Variants in CNTNAP2 observed in about 807,000 individuals in gnomAD.
CNTNAP2 encodes the protein contactin associated protein 2.
In CNTNAP2, 98 loss-of-function variants were observed where a neutral mutation model predicts 155.2. That is an observed-to-expected ratio of 0.63 (90% confidence interval 0.54 to 0.75). The LOEUF (loss-of-function observed/expected upper bound fraction) is 0.75. Ranked by LOEUF, CNTNAP2 falls within the 30% of genes least tolerant of loss-of-function variation. The pLI is 0.00. For missense variants in CNTNAP2, 1,727 were observed against 1,688.1 expected (o/e 1.02, Z -0.40); for synonymous variants, 651 against 631.2 (o/e 1.03, Z -0.47).
chr7:146,196,991 C>T (rs1798786353), intron 1 of CNTNAP2, among the ~76,000 whole-genome samples: 2 of 151,912 alleles, frequency 1.3e-5, no homozygotes, highest in Non-Finnish European at 2.9e-5. Flanking sequence ...ATTTTTTTCC[C>T]CAGTGAATTT....
intron 12 of CNTNAP2, among the ~76,000 whole-genome samples, chr7:147,631,256 C>T (rs1795080501): frequency 6.6e-6 from 1 of 152,046 alleles, no homozygotes; most frequent in Non-Finnish European, 1.5e-5. Flanking sequence ...TAATAAAATA[C>T]TTAGGACTAT....
intron 1 of CNTNAP2, among the ~76,000 whole-genome samples, chr7:146,129,892 T>C (rs1467541416): frequency 6.6e-6 from 1 of 152,160 alleles, no homozygotes; most frequent in Non-Finnish European, 1.5e-5. Context: ...AGGTCATCAG[T>C]GAGTGATTAA....
intron 19 of CNTNAP2, among the ~76,000 whole-genome samples, chr7:148,218,929 G>C (rs1795693947): frequency 2.9e-5 from 4 of 139,784 alleles, no homozygotes; most frequent in Admixed American, 1.4e-4. Context: ...AGAATTCTAA[G>C]ATCACTCTTT....
chr7:147,028,715 C>T (rs1413427592), intron 3 of CNTNAP2, among the ~76,000 whole-genome samples: 1 of 152,080 alleles, frequency 6.6e-6, no homozygotes, highest in African/African-American at 2.4e-5. Context: ...AGCTACCAGG[C>T]TCTCAGGAGG....
At chr7:146,623,919 T>C (rs1186872340) in intron 1 of CNTNAP2, among the ~76,000 whole-genome samples, 1 of 152,186 alleles carries the variant, frequency 6.6e-6, no homozygotes, top group Non-Finnish European at 1.5e-5. Context: ...TCACTGAGAA[T>C]AATATTCTTA....
At chr7:147,967,794 G>A (rs1459006912) in intron 14 of CNTNAP2, among the ~76,000 whole-genome samples, 2 of 152,062 alleles carry the variant, frequency 1.3e-5, no homozygotes, top group African/African-American at 4.8e-5. Flanking sequence ...GCCAAGGTAG[G>A]GTTTGCCTTT....
chr7:147,394,585 A>T (rs1048359187), intron 9 of CNTNAP2, among the ~76,000 whole-genome samples: 24 of 152,104 alleles, frequency 1.6e-4, no homozygotes, highest in African/African-American at 5.1e-4. Context: ...AGCTCTGGGG[A>T]CTTTCTGGAG....
chr7:146,558,734 T>A (rs1017460133), intron 1 of CNTNAP2, among the ~76,000 whole-genome samples: 3 of 152,244 alleles, frequency 2.0e-5, no homozygotes, highest in Non-Finnish European at 4.4e-5. Context: ...AACTTTGTAT[T>A]CTTTAACTAA....
At chr7:147,462,878 A>G (rs111357787) in intron 10 of CNTNAP2, among the ~76,000 whole-genome samples, 2 of 152,212 alleles carry the variant, frequency 1.3e-5, no homozygotes, top group Non-Finnish European at 2.9e-5. Context: ...TCCCGGGTTC[A>G]CGTGGGATAC....
chr7:146,617,973 A>G (rs2129155560), intron 1 of CNTNAP2, among the ~76,000 whole-genome samples: 1 of 152,282 alleles, frequency 6.6e-6, no homozygotes, highest in South Asian at 2.1e-4. Flanking sequence ...TATTGGTGTG[A>G]TGGTTTTATT....
intron 9 of CNTNAP2, among the ~76,000 whole-genome samples, chr7:147,341,422 G>C (rs1795760792): frequency 7.7e-6 from 1 of 129,112 alleles, no homozygotes; most frequent in Non-Finnish European, 1.6e-5. Context: ...ATGTATCCCA[G>C]AAATTAAAGT....
At chr7:147,807,844 T>C (rs74899950) in intron 13 of CNTNAP2, among the ~76,000 whole-genome samples, 4,869 of 152,282 alleles carry the variant, frequency 0.032, 132 homozygotes, top group Non-Finnish European at 0.051. Context: ...AGTTAAGCAT[T>C]AAATCATGAA....
At chr7:147,242,555 A>G (rs2116640697) in intron 8 of CNTNAP2, among the ~76,000 whole-genome samples, 1 of 152,204 alleles carries the variant, frequency 6.6e-6, no homozygotes, top group South Asian at 2.1e-4. Context: ...CCCTTTTCAG[A>G]TTATTTTGCA....
chr7:147,052,465 G>A (rs1413760673), intron 4 of CNTNAP2, among the ~76,000 whole-genome samples: 2 of 152,008 alleles, frequency 1.3e-5, no homozygotes, highest in Non-Finnish European at 2.9e-5. Context: ...TTTATTGGTG[G>A]AACAGGGCAT....
intron 8 of CNTNAP2, among the ~76,000 whole-genome samples, chr7:147,186,046 C>T (rs953406331): frequency 3.9e-5 from 6 of 152,196 alleles, no homozygotes; most frequent in Non-Finnish European, 5.9e-5. Context: ...GTCTCTGGTA[C>T]GTCTTTATTA....
At chr7:146,779,627 T>G (rs1282997346) in intron 2 of CNTNAP2, among the ~76,000 whole-genome samples, 1 of 152,204 alleles carries the variant, frequency 6.6e-6, no homozygotes, top group African/African-American at 2.4e-5. Context: ...TTTCTTTCTT[T>G]TCACCTTCCT....
At chr7:147,738,629 C>T (rs1049114449) in intron 13 of CNTNAP2, among the ~76,000 whole-genome samples, 1 of 150,692 alleles carries the variant, frequency 6.6e-6, no homozygotes, top group South Asian at 2.1e-4. Context: ...ACTAACTAGA[C>T]ACAGTATAAT....
chr7:146,170,709 G>C (rs1798377194), intron 1 of CNTNAP2, among the ~76,000 whole-genome samples: 1 of 152,098 alleles, frequency 6.6e-6, no homozygotes, highest in Non-Finnish European at 1.5e-5. Flanking sequence ...TAACTGACAA[G>C]AGAGAATTTG....
At chr7:147,852,108 G>C (rs1221370426) in intron 13 of CNTNAP2, among the ~76,000 whole-genome samples, 1 of 152,126 alleles carries the variant, frequency 6.6e-6, no homozygotes, top group Admixed American at 6.5e-5. Flanking sequence ...AGTGTGAAGA[G>C]AGGTATGCAC....
Sources: allele counts gnomAD v4.1 joint callset (sites outside exome capture counted in the v4.1 genomes callset), GRCh38; gene constraint gnomAD v4.1.1; transcripts MANE v1.5; gene names NCBI Gene and HGNC (gene_info 2026-07-23, HGNC 2026-07-21).